RPGRIP1: variants seen among roughly 807,000 people sequenced by gnomAD.
RPGRIP1 encodes X-linked retinitis pigmentosa GTPase regulator-interacting protein 1.
RPGRIP1 carries 128 observed loss-of-function variants against 157.9 expected under a neutral mutation model. The ratio of observed to expected loss-of-function variants is 0.81; its 90% CI spans 0.70 to 0.94. RPGRIP1 has a LOEUF of 0.94. RPGRIP1 is among the 40% of genes least tolerant of loss of function. The probability of loss-of-function intolerance (pLI) is 0.00; values close to 1 mark genes in which losing one functional copy is unlikely to be tolerated. For synonymous variants in RPGRIP1, 554 were observed against 571.6 expected (o/e 0.97, Z 0.44); for missense variants, 1,486 against 1,545.8 (o/e 0.96, Z 0.65).
At chr14:21,287,073 A>AAAG (rs1217096876) in intron 1 of RPGRIP1, among the ~76,000 whole-genome samples, 15 of 151,572 alleles carry the variant, frequency 9.9e-5, no homozygotes, top group African/African-American at 3.7e-4. Flanking sequence ...GGAAGGAAAG[A>AAAG]AAAGAAAAAG....
Position 21,326,102 on chromosome 14 carries a change from T to C in RPGRIP1, c.2639T>C (p.Leu880Ser). 2.5e-6 allele frequency: 4 copies of C among 1,611,138 alleles called. No homozygotes were observed. The highest frequency in any genetic ancestry group is 3.4e-6 in the Non-Finnish European group (4 of 1,177,706). The change falls in exon 17 of 25, where the codon TTA becomes TCA. Residue 880 changes from leucine to serine, a missense_variant. Coordinates refer to ENST00000400017, the MANE Select transcript of RPGRIP1 (RefSeq NM_020366.4). ...LSIHVFDDED[L>S]EPGSYLGRAR... is the part of the protein sequence containing the mutation. ...ATACATGTTTTTGATGATGAAGACT[T>C]AGAGCCTGGCTCGTATCTTGGCCGA... is the stretch of plus-strand genomic sequence containing the variant.
chr14:21,349,785 G>C lies in RPGRIP1; in HGVS notation c.3749-1319G>C, dbSNP rs1886000644. 2.6e-5 allele frequency among the ~76,000 whole-genome samples: 4 copies of C among 152,104 alleles called. No individual in the cohort carries two copies. In the South Asian group the frequency reaches 8.3e-4, roughly 32 times the overall value. On this transcript the variant is annotated intron_variant, in intron 24 of 24. Transcript: ENST00000400017. ...ACTATAGTAAATACATAATACATTT[G>C]ATCACTGCCTTCTTCTTAAATCCTT...
chr14:21,310,998 A>G (rs1881518329), intron 8 of RPGRIP1: 1 of 494,628 alleles, frequency 2.0e-6, no homozygotes, highest in African/African-American at 1.9e-5. Context: ...CACCACTGTG[A>G]GTGGGCTGCA....
At chr14:21,280,910 AAATT>A (rs1432768103) in intron 1 of RPGRIP1, among the ~76,000 whole-genome samples, 5 of 152,190 alleles carry the variant, frequency 3.3e-5, no homozygotes, top group Admixed American at 2.0e-4. Context: ...ACTCCTTTTC[AAATT>A]AATTAATTTT....
At position 21,321,301 on chromosome 14, in the gene RPGRIP1, G is replaced by T; in HGVS notation, c.1510G>T (p.Val504Leu). The change falls in exon 13 of 25, where the codon GTG becomes TTG. Residue 504 changes from valine (V) to leucine (L), a missense_variant. Val to Leu is a conservative substitution (Grantham distance 32). Coordinates refer to ENST00000400017, the MANE Select transcript of RPGRIP1 (RefSeq NM_020366.4). ...KNQEEKKLSQ[V>L]LNELQVSHAE... ...CCAAGAAGAAAAGAAACTGTCCCAG[G>T]TGCTAAATGAGTTGCAAGTATCACA... 1 of 1,613,926 alleles carries T rather than the reference G, an allele frequency of 6.2e-7. No individual in the cohort carries two copies. Among genetic ancestry groups the T allele is most frequent in the Non-Finnish European group, 8.5e-7 (1 of 1,179,850 alleles).
chr14:21,311,480 A>G (rs1881539289), intron 8 of RPGRIP1, among the ~76,000 whole-genome samples: 1 of 152,184 alleles, frequency 6.6e-6, no homozygotes, highest in South Asian at 2.1e-4. Flanking sequence ...TGAACCCGGT[A>G]GGCAGAGGTT....
chr14:21,280,724 C>G (rs764591300), intron 1 of RPGRIP1, among the ~76,000 whole-genome samples: 17 of 152,008 alleles, frequency 1.1e-4, no homozygotes, highest in African/African-American at 3.1e-4. Flanking sequence ...CCCCCACCCC[C>G]CTCCTTCCCT....
At chr14:21,336,150 CAT>C (rs1223294685) in intron 21 of RPGRIP1, among the ~76,000 whole-genome samples, 5 of 152,144 alleles carry the variant, frequency 3.3e-5, no homozygotes, top group Admixed American at 6.5e-5. Flanking sequence ...AAAGCTGGAA[CAT>C]GTGCTTGAGA....
intron 18 of RPGRIP1, among the ~76,000 whole-genome samples, chr14:21,328,154 A>T (rs1229334397): frequency 6.6e-6 from 1 of 150,612 alleles, no homozygotes; most frequent in African/African-American, 2.5e-5. Flanking sequence ...GGGCAACAAG[A>T]GCAGAACTCT....
intron 8 of RPGRIP1, among the ~76,000 whole-genome samples, chr14:21,311,105 A>C (rs1169011292): frequency 1.3e-5 from 2 of 152,226 alleles, no homozygotes; most frequent in Non-Finnish European, 2.9e-5. Flanking sequence ...AGTCCGCCAG[A>C]AACACACACA....
At chr14:21,331,908 A>T (rs2139273901) in intron 20 of RPGRIP1, among the ~76,000 whole-genome samples, 1 of 150,556 alleles carries the variant, frequency 6.6e-6, no homozygotes, top group South Asian at 2.1e-4. Flanking sequence ...TTTTTTCTAA[A>T]TCTCTAGAAG....
chr14:21,321,861 T>TGGA lies in RPGRIP1; in HGVS notation c.1622_1624dup (p.Glu541dup). The TGGA allele has an allele frequency of 6.2e-7, 1 of 1,611,880 alleles. No homozygotes were observed. Among genetic ancestry groups the TGGA allele is most frequent in the Non-Finnish European group, 8.5e-7 (1 of 1,179,218 alleles). ...GACATTATTTTGTTTCAGGAGGAAC[T>TGGA]GGAGGCAATGATGACAAAAGCTGAC... is the stretch of plus-strand genomic sequence containing the variant. On this transcript the variant is annotated inframe_insertion, in exon 14 of 25. Transcript: ENST00000400017.
intron 10 of RPGRIP1, among the ~76,000 whole-genome samples, chr14:21,316,096 G>C (rs1456817141): frequency 6.6e-6 from 1 of 150,528 alleles, no homozygotes; most frequent in Non-Finnish European, 1.5e-5. Flanking sequence ...TTCTGCCTCA[G>C]CCTCCTGAGT....
Position 21,312,436 on chromosome 14 carries a change from CAGGAGAGAGTT to C in RPGRIP1, c.1082_1092del (p.Gln361ArgfsTer12). Reference sequence around the variant, plus strand: ...CAAGGGCTACTATCACTCTTAGTTTCAGGAGAGAGTTGAAGATTTGGAAAAAGAACGAAAAT... The same window carrying C: ...CAAGGGCTACTATCACTCTTAGTTTCGAAGATTTGGAAAAAGAACGAAAAT... On this transcript the variant is annotated frameshift_variant, in exon 10 of 25. Coordinates refer to ENST00000400017, the MANE Select transcript of RPGRIP1 (RefSeq NM_020366.4). LOFTEE classifies it high-confidence loss of function. The C allele has an allele frequency of 6.2e-7, 1 of 1,603,330 alleles. No homozygotes were observed. Among genetic ancestry groups the C allele is most frequent in the Non-Finnish European group, 8.5e-7 (1 of 1,171,872 alleles).
rs200219549 is a variant in RPGRIP1 at position 21,302,562 on chromosome 14, G to A, written c.565G>A (p.Val189Ile). 4.4e-6 allele frequency: 7 copies of A among 1,580,832 alleles called. No individual in the cohort carries two copies. The highest frequency in any genetic ancestry group is 5.2e-6 in the Non-Finnish European group (6 of 1,162,170). ...TGCGACAAATGAAAACAGAGGTGAA[G>A]TAGCCAGTAAACCCAGTGAACTGTG... is the stretch of plus-strand genomic sequence containing the variant. ...EHATNENRGE[V>I]ASKPSELVSG... The change falls in exon 5 of 25, where the codon GTA (valine) becomes ATA (isoleucine). Residue 189 changes from valine to isoleucine, a missense_variant. Val to Ile is a conservative substitution (Grantham distance 29). Coordinates refer to ENST00000400017, the MANE Select transcript of RPGRIP1 (RefSeq NM_020366.4).
intron 2 of RPGRIP1, among the ~76,000 whole-genome samples, chr14:21,292,150 C>T (rs1326480522): frequency 2.0e-5 from 3 of 152,148 alleles, no homozygotes; most frequent in Non-Finnish European, 4.4e-5. Context: ...CCATGGCCTT[C>T]CAAAGTGTTG....
chr14:21,298,511 A>G (rs1436115819), intron 3 of RPGRIP1, among the ~76,000 whole-genome samples: 5 of 152,158 alleles, frequency 3.3e-5, no homozygotes. Flanking sequence ...AAACGAAAAC[A>G]AAAACAAATG....
chr14:21,301,117 C>G lies in RPGRIP1; in HGVS notation c.370C>G (p.Leu124Val). The G allele has an allele frequency of 6.2e-7, 1 of 1,608,398 alleles. No homozygotes were observed. Among genetic ancestry groups the G allele is most frequent in the East Asian group, 2.2e-5 (1 of 44,748 alleles). The change falls in exon 4 of 25, where the codon CTG (leucine) becomes GTG (valine). Residue 124 changes from leucine to valine, a missense_variant. Transcript: ENST00000400017. ...SMHQRPQMHR[L>V]QGHFHCVGPA... ...GCACCAGCGCCCCCAGATGCACCGA[C>G]TGCAAGGGCATTTCCACTGCGTCGG... is the stretch of plus-strand genomic sequence containing the variant.
At chr14:21,317,255 A>G (rs1335164636) in intron 10 of RPGRIP1, among the ~76,000 whole-genome samples, 1 of 152,240 alleles carries the variant, frequency 6.6e-6, no homozygotes, top group African/African-American at 2.4e-5. Context: ...CCTTCAGCAT[A>G]GTAATTTATA....
Sources: allele counts gnomAD v4.1 joint callset (sites outside exome capture counted in the v4.1 genomes callset), GRCh38; gene constraint gnomAD v4.1.1; transcripts MANE v1.5; gene names NCBI Gene and HGNC (gene_info 2026-07-23, HGNC 2026-07-21).